Variants in POLN observed in about 807,000 individuals in gnomAD.
POLN encodes the protein DNA polymerase N.
Under a neutral mutation model 113.5 loss-of-function variants are expected in POLN, and 108 were observed. The ratio of observed to expected loss-of-function variants is 0.95; its 90% CI spans 0.81 to 1.12. The LOEUF is 1.12. Among genes scored for constraint, POLN ranks in the 50% most tolerant of loss-of-function variants. POLN has a pLI of 0.00. For synonymous variants in POLN, 386 were observed against 391.5 expected (o/e 0.99, Z 0.17); for missense variants, 1,097 against 1,077.1 (o/e 1.02, Z -0.26).
intron 19 of POLN, among the ~76,000 whole-genome samples, chr4:2,107,537 T>C (rs1731093374): frequency 6.6e-6 from 1 of 151,376 alleles, no homozygotes; most frequent in East Asian, 1.9e-4. Context: ...CATTAGGGCA[T>C]GGATTGGGGT....
rs544727790 is a variant in POLN at position 2,082,343 on chromosome 4, C to G, written c.2198-600G>C. Among the ~76,000 whole-genome samples the G allele has an allele frequency of 3.3e-3, 509 of 152,238 alleles. 1 individual carries two copies. Among genetic ancestry groups the G allele is most frequent in the Non-Finnish European group, 6.4e-3 (435 of 68,008 alleles). Reference sequence around the variant, plus strand: ...CGAGGGAGGGCAGCTTTTGCAAAGCCATGTGGAGGCCTTGGGCCCAGGAGT... The same window carrying G: ...CGAGGGAGGGCAGCTTTTGCAAAGCGATGTGGAGGCCTTGGGCCCAGGAGT... On this transcript the variant is annotated intron_variant, in intron 21 of 25. Coordinates refer to ENST00000511885, the MANE Select transcript of POLN (RefSeq NM_181808.4).
intron 14 of POLN, among the ~76,000 whole-genome samples, chr4:2,158,523 C>T (rs1732495712): frequency 6.6e-6 from 1 of 152,136 alleles, no homozygotes; most frequent in South Asian, 2.1e-4. Context: ...CCCTTTACAT[C>T]GTTGCAGGGA....
chr4:2,208,604 T>C (rs953332695), intron 4 of POLN, 117 bp from the exon 5 acceptor site: 4 of 818,034 alleles, frequency 4.9e-6, no homozygotes, highest in Middle Eastern at 3.3e-4. Flanking sequence ...ATCTTCATAT[T>C]ACCTATGATC....
chr4:2,146,466 T>C (rs1449955645), intron 16 of POLN, among the ~76,000 whole-genome samples: 2 of 152,152 alleles, frequency 1.3e-5, no homozygotes, highest in African/African-American at 2.4e-5. Context: ...GATTGCGCCA[T>C]TGCACTCCAC....
intron 13 of POLN, among the ~76,000 whole-genome samples, chr4:2,162,362 G>T (rs1270023972): frequency 1.3e-5 from 2 of 151,426 alleles, no homozygotes; most frequent in African/African-American, 4.9e-5. Context: ...GCGAGACCAC[G>T]AACCCACCAG....
chr4:2,103,382 G>A (rs771764692), intron 19 of POLN, among the ~76,000 whole-genome samples: 6 of 152,036 alleles, frequency 3.9e-5, no homozygotes, highest in Admixed American at 6.6e-5. Flanking sequence ...CTTGAAGGCA[G>A]GTCTTTTGGA....
chr4:2,211,400 G>A (rs1733991510), intron 4 of POLN, among the ~76,000 whole-genome samples: 1 of 151,928 alleles, frequency 6.6e-6, no homozygotes, highest in Non-Finnish European at 1.5e-5. Context: ...TAACAATAGA[G>A]CAGAAATCAT....
chr4:2,081,168 A>T, intron 22 of POLN, 132 bp from the exon 23 acceptor site: 2 of 1,595,284 alleles, frequency 1.3e-6, no homozygotes, highest in Non-Finnish European at 1.7e-6. Flanking sequence ...TCTGAGTGCC[A>T]GGGCCACAGA....
chr4:2,169,547 G>C (rs1384079933), intron 13 of POLN, among the ~76,000 whole-genome samples: 1 of 152,174 alleles, frequency 6.6e-6, no homozygotes, highest in African/African-American at 2.4e-5. Flanking sequence ...ACGGTCCTAA[G>C]TGCTGTTTCA....
chr4:2,144,773 C>G (rs563043595), intron 16 of POLN, among the ~76,000 whole-genome samples: 12 of 152,244 alleles, frequency 7.9e-5, no homozygotes, highest in African/African-American at 2.6e-4. Flanking sequence ...GATTACCTAT[C>G]AACTGGTAGA....
intron 23 of POLN, among the ~76,000 whole-genome samples, chr4:2,076,143 C>T (rs1346194960): frequency 6.6e-6 from 1 of 152,188 alleles, no homozygotes; most frequent in South Asian, 2.1e-4. Flanking sequence ...GCAAGTGGGA[C>T]CCAAGTGGAG....
intron 16 of POLN, among the ~76,000 whole-genome samples, chr4:2,143,919 C>T (rs1204081239): frequency 2.6e-5 from 4 of 152,002 alleles, no homozygotes; most frequent in Non-Finnish European, 4.4e-5. Flanking sequence ...CTTAATAACC[C>T]AAAACTGGAA....
At chr4:2,077,893 C>T (rs1730313052) in intron 23 of POLN, among the ~76,000 whole-genome samples, 1 of 152,154 alleles carries the variant, frequency 6.6e-6, no homozygotes, top group African/African-American at 2.4e-5. Context: ...GGCCTTGGAT[C>T]CTGTTGTGTT....
chr4:2,174,840 T>C, intron 9 of POLN, 89 bp from the exon 10 acceptor site: 2 of 847,742 alleles, frequency 2.4e-6, no homozygotes, highest in South Asian at 1.6e-5. Flanking sequence ...TTTTTTTTTT[T>C]GAGACAGAGT....
rs558363311 is a variant in POLN at position 2,194,664 on chromosome 4, C to T, written c.909-1348G>A. ...GTAATCTACCAACTACACTATCTTC[C>T]GCTAATAAGAGATTATTTTTATCTT... On this transcript the variant is annotated intron_variant, in intron 6 of 25. Coordinates refer to ENST00000511885, the MANE Select transcript of POLN (RefSeq NM_181808.4). Among the ~76,000 whole-genome samples the T allele has an allele frequency of 7.2e-5, 11 of 152,202 alleles. No individual in the cohort carries two copies. In the East Asian group the frequency reaches 9.6e-4, roughly 13 times the overall value.
chr4:2,224,629 T>C lies in POLN; in HGVS notation c.133+4470A>G, dbSNP rs34502010. On this transcript the variant is annotated intron_variant, in intron 3 of 25. Transcript: ENST00000511885. ...TACTTTTATACACCTGGTAGTGCAG[T>C]AGGTTTGTTTACGCCAGCATCACAA... Among the ~76,000 whole-genome samples, 18 of 152,192 alleles carry C rather than the reference T, an allele frequency of 1.2e-4. No homozygotes were observed. The East Asian group carries it at 3.5e-3, about 29-fold the overall frequency.
chr4:2,169,085 C>T (rs1311637284), intron 13 of POLN, among the ~76,000 whole-genome samples: 3 of 152,096 alleles, frequency 2.0e-5, no homozygotes, highest in Non-Finnish European at 2.9e-5. Flanking sequence ...ATTTGTGGCA[C>T]GAGTCTGGGG....
At chr4:2,233,770 A>C (rs1378544440) in intron 2 of POLN, among the ~76,000 whole-genome samples, 1 of 152,246 alleles carries the variant, frequency 6.6e-6, no homozygotes, top group Non-Finnish European at 1.5e-5. Context: ...TAATAAGAAA[A>C]CATTGTGTTG....
chr4:2,108,833 T>A (rs936062971), intron 19 of POLN, among the ~76,000 whole-genome samples: 1 of 152,172 alleles, frequency 6.6e-6, no homozygotes, highest in Non-Finnish European at 1.5e-5. Flanking sequence ...TATGGCACAC[T>A]AATCCTCAAA....
Sources: allele counts gnomAD v4.1 joint callset (sites outside exome capture counted in the v4.1 genomes callset), GRCh38; gene constraint gnomAD v4.1.1; transcripts MANE v1.5; gene names NCBI Gene and HGNC (gene_info 2026-07-23, HGNC 2026-07-21).